Variants in RBMS3 observed in about 807,000 individuals in gnomAD.
RBMS3 encodes RNA binding motif single stranded interacting protein 3, also known as RNA-binding motif, single-stranded-interacting protein 3.
RBMS3 carries 27 observed loss-of-function variants against 66.8 expected under a neutral mutation model. That is an observed-to-expected ratio of 0.40 (90% confidence interval 0.30 to 0.56). RBMS3 has a LOEUF of 0.56. RBMS3 is among the 20% of genes least tolerant of loss of function. RBMS3 has a pLI of 0.40. For synonymous variants in RBMS3, 188 were observed against 183.0 expected, an observed-to-expected ratio of 1.03 and a Z score of -0.22; for missense variants, 513 against 549.5, an observed-to-expected ratio of 0.93 and a Z score of 0.66.
chr3:29,963,409 T>G (rs1696611937), intron 12 of RBMS3, among the ~76,000 whole-genome samples: 1 of 152,212 alleles, frequency 6.6e-6, no homozygotes, highest in South Asian at 2.1e-4. Context: ...TCCTAAAGGA[T>G]TCCTCTCAGT....
intron 1 of RBMS3, among the ~76,000 whole-genome samples, chr3:29,288,146 A>G (rs1425185450): frequency 1.3e-5 from 2 of 151,968 alleles, no homozygotes; most frequent in Non-Finnish European, 2.9e-5. Context: ...TTGTATGTCA[A>G]TGCATTGGTT....
intron 1 of RBMS3, among the ~76,000 whole-genome samples, chr3:29,384,109 A>G (rs910275341): frequency 4.6e-5 from 7 of 152,114 alleles, no homozygotes; most frequent in Admixed American, 4.6e-4. Context: ...TTAGCCCAGG[A>G]GTTCAAGACC....
At chr3:29,411,040 G>A (rs1348666000) in intron 1 of RBMS3, among the ~76,000 whole-genome samples, 1 of 151,562 alleles carries the variant, frequency 6.6e-6, no homozygotes, top group African/African-American at 2.4e-5. Flanking sequence ...TTTTCTGGTG[G>A]TTTTTTGAGT....
At chr3:29,384,435 T>TAATAATAATAATAATAATAAGAAG (rs776357215) in intron 1 of RBMS3, among the ~76,000 whole-genome samples, 11 of 141,104 alleles carry the variant, frequency 7.8e-5, no homozygotes, top group South Asian at 4.8e-4. Flanking sequence ...ATAATAATAA[T>TAATAATAATAATAATAATAAGAAG]AAGAAGAAGA....
rs562073465 is a variant in RBMS3 at position 29,579,875 on chromosome 3, G to A, written c.308-7239G>A. On this transcript the variant is annotated intron_variant, in intron 3 of 14. Coordinates refer to ENST00000383767, the MANE Select transcript of RBMS3 (RefSeq NM_001003793.3). ...CAAATCAGTAAGTTTCTTTAATCTC[G>A]ATAAAGCATAGTGACTGCACTAAGC... Among the ~76,000 whole-genome samples, 6 of 152,170 alleles carry A rather than the reference G, an allele frequency of 3.9e-5. No homozygotes were observed. In the South Asian group the frequency reaches 1.0e-3, roughly 26 times the overall value.
At chr3:29,810,902 C>T (rs2057711174) in intron 6 of RBMS3, among the ~76,000 whole-genome samples, 1 of 152,150 alleles carries the variant, frequency 6.6e-6, no homozygotes, top group Non-Finnish European at 1.5e-5. Flanking sequence ...AACAAAGTCT[C>T]TCCTAGTAGA....
intron 6 of RBMS3, among the ~76,000 whole-genome samples, chr3:29,788,699 A>C (rs1234780860): frequency 6.6e-6 from 1 of 152,192 alleles, no homozygotes; most frequent in Non-Finnish European, 1.5e-5. Flanking sequence ...AAAAATGAAA[A>C]GTAAATGTCT....
intron 10 of RBMS3, among the ~76,000 whole-genome samples, chr3:29,902,340 T>C (rs1275741329): frequency 6.6e-6 from 1 of 151,944 alleles, no homozygotes; most frequent in Non-Finnish European, 1.5e-5. Context: ...TGCTTTAAAT[T>C]ATCCCAGTTT....
rs145655187 is a variant in RBMS3, at chr3:29,878,196, G to A, written c.745-5966G>A. ...AAATGACAGGAAGCGGATCTCAGGC[G>A]GTAGTGCTCGCTTGCCTGCTGCTCA... is the stretch of plus-strand genomic sequence containing the variant. On this transcript the variant is annotated intron_variant, in intron 7 of 14. Transcript: ENST00000383767. Among the ~76,000 whole-genome samples the A allele has an allele frequency of 1.1e-4, 16 of 152,128 alleles. No homozygotes were observed. The Middle Eastern group carries it at 0.017, about 162-fold the overall frequency.
intron 4 of RBMS3, among the ~76,000 whole-genome samples, chr3:29,712,652 T>G (rs2053225383): frequency 6.6e-6 from 1 of 152,180 alleles, no homozygotes; most frequent in African/African-American, 2.4e-5. Flanking sequence ...AAAGAAGATC[T>G]GCCCTCACCA....
intron 1 of RBMS3, among the ~76,000 whole-genome samples, chr3:29,399,142 G>A (rs535422953): frequency 3.9e-5 from 6 of 152,028 alleles, no homozygotes; most frequent in Admixed American, 2.6e-4. Flanking sequence ...ACTTCCTTTC[G>A]TAAATTGCAG....
intron 1 of RBMS3, among the ~76,000 whole-genome samples, chr3:29,408,271 CAAAAAAAA>C (rs10708935): frequency 8.0e-5 from 6 of 74,872 alleles, no homozygotes; most frequent in African/African-American, 2.9e-4. Flanking sequence ...GACTCCATCT[CAAAAAAAA>C]AAAAAAAAAA....
chr3:29,684,995 A>G (rs1178034778), intron 4 of RBMS3, among the ~76,000 whole-genome samples: 1 of 152,130 alleles, frequency 6.6e-6, no homozygotes, highest in East Asian at 1.9e-4. Flanking sequence ...GTGTGTAAGT[A>G]TAAGTTTTAT....
rs372349286 is a variant in RBMS3 at position 29,561,432 on chromosome 3, T to TTTGTTGTTG, written c.308-25654_308-25646dup. 2.1e-3 allele frequency among the ~76,000 whole-genome samples: 314 copies of TTTGTTGTTG among 149,052 alleles called. 2 individuals carry two copies. The highest frequency in any genetic ancestry group is 6.3e-3 in the African/African-American group (248 of 39,368). Reference sequence around the variant, plus strand: ...CACAACCTTGCCAGCATCTGTTGTTTTTGTTGTTGTTGTTGTTGTTGTTGT... The same window carrying TTTGTTGTTG: ...CACAACCTTGCCAGCATCTGTTGTTTTTGTTGTTGTTGTTGTTGTTGTTGTTGTTGTTGT... On this transcript the variant is annotated intron_variant, in intron 3 of 14. Transcript: ENST00000383767.
chr3:29,443,940 G>A (rs148191628), intron 2 of RBMS3, among the ~76,000 whole-genome samples: 31 of 152,244 alleles, frequency 2.0e-4, no homozygotes, highest in African/African-American at 6.7e-4. Context: ...TAGCTGGAGC[G>A]AATATGGAGC....
intron 1 of RBMS3, among the ~76,000 whole-genome samples, chr3:29,369,763 T>C (rs1172768978): frequency 6.6e-6 from 1 of 152,098 alleles, no homozygotes; most frequent in Non-Finnish European, 1.5e-5. Flanking sequence ...TAGAAATAAA[T>C]GTAGCTAAAA....
chr3:29,530,915 A>G (rs1158558658), intron 3 of RBMS3, among the ~76,000 whole-genome samples: 2 of 151,980 alleles, frequency 1.3e-5, no homozygotes, highest in Non-Finnish European at 2.9e-5. Context: ...AATCTGATCT[A>G]AAAGGTTTTG....
chr3:29,791,476 T>C (rs1234318849), intron 6 of RBMS3, among the ~76,000 whole-genome samples: 2 of 151,630 alleles, frequency 1.3e-5, no homozygotes, highest in African/African-American at 4.8e-5. Context: ...ATATTCATTA[T>C]TCAAATAGCT....
chr3:29,413,415 TACATACATAC>T, intron 1 of RBMS3, among the ~76,000 whole-genome samples: 1 of 114,896 alleles, frequency 8.7e-6, no homozygotes, highest in African/African-American at 2.8e-5. Context: ...CATACATACA[TACATACATAC>T]ACAGAGTTGC....
Sources: gnomAD v4.1 joint callset for allele counts (sites outside exome capture counted in the v4.1 genomes callset) on GRCh38, gnomAD v4.1.1 for gene constraint, MANE v1.5 for transcripts, NCBI Gene and HGNC (gene_info 2026-07-23, HGNC 2026-07-21) for gene names.